The following LEKR1 variants were observed in gnomAD, a reference collection of about 807,000 sequenced individuals.
The protein encoded by LEKR1 is leucine, glutamate and lysine rich 1.
A neutral mutation model predicts 72.4 loss-of-function variants in LEKR1; 59 were observed. The observed-to-expected ratio is 0.82, with a 90% CI of 0.66 to 1.01. The LOEUF (loss-of-function observed/expected upper bound fraction) is 1.01, where lower values mean the gene tolerates loss of function less well. LEKR1 is among the 50% of genes least tolerant of loss of function. LEKR1 has a pLI of 0.00. For synonymous variants in LEKR1, 257 were observed against 263.2 expected (o/e 0.98, Z 0.23); for missense variants, 728 against 759.2 (o/e 0.96, Z 0.48).
intron 3 of LEKR1, among the ~76,000 whole-genome samples, chr3:156,865,784 A>G (rs1290313131): frequency 1.3e-5 from 2 of 151,860 alleles, no homozygotes; most frequent in Non-Finnish European, 2.9e-5. Context: ...CTCGAGCCTC[A>G]CTCTCTTTCA....
intron 3 of LEKR1, among the ~76,000 whole-genome samples, chr3:156,880,014 A>C (rs1428694876): frequency 2.0e-5 from 3 of 152,212 alleles, no homozygotes; most frequent in African/African-American, 7.2e-5. Flanking sequence ...AAGAAGAGTA[A>C]TGTGGGGAGA....
chr3:156,962,186 T>A (rs1021711191), intron 6 of LEKR1, among the ~76,000 whole-genome samples: 1 of 152,212 alleles, frequency 6.6e-6, no homozygotes, highest in Non-Finnish European at 1.5e-5. Flanking sequence ...GGACCTTACC[T>A]GCAAGGTCTG....
At chr3:156,931,234 C>G (rs189535706) in intron 5 of LEKR1, among the ~76,000 whole-genome samples, 3 of 152,174 alleles carry the variant, frequency 2.0e-5, no homozygotes, top group Admixed American at 6.5e-5. Flanking sequence ...ACCAAAAGAT[C>G]TGAACAGACA....
intron 9 of LEKR1, among the ~76,000 whole-genome samples, chr3:157,009,143 T>A (rs1355772571): frequency 6.6e-6 from 1 of 152,176 alleles, no homozygotes; most frequent in African/African-American, 2.4e-5. Context: ...AGAAGTATTA[T>A]GTTATACTTC....
At chr3:156,987,613 A>G (rs1730807400) in intron 7 of LEKR1, among the ~76,000 whole-genome samples, 1 of 152,130 alleles carries the variant, frequency 6.6e-6, no homozygotes. Flanking sequence ...CTTCTAGTCC[A>G]TTTTCCTTTT....
intron 5 of LEKR1, among the ~76,000 whole-genome samples, chr3:156,930,414 A>G (rs893238167): frequency 7.9e-5 from 12 of 152,124 alleles, no homozygotes; most frequent in African/African-American, 2.7e-4. Flanking sequence ...AAGTATGTCA[A>G]TGTAACATGA....
At chr3:156,924,052 C>G (rs1213139838) in intron 4 of LEKR1, among the ~76,000 whole-genome samples, 7 of 152,044 alleles carry the variant, frequency 4.6e-5, no homozygotes, top group Admixed American at 3.3e-4. Context: ...TTTTAACTGC[C>G]AACCTGTTTT....
chr3:156,869,355 G>C (rs540990922), intron 3 of LEKR1, among the ~76,000 whole-genome samples: 29 of 152,088 alleles, frequency 1.9e-4, no homozygotes, highest in African/African-American at 7.0e-4. Context: ...ATCCTCACCA[G>C]CATCTGTTAT....
intron 5 of LEKR1, among the ~76,000 whole-genome samples, chr3:156,942,303 AT>A (rs1726281110): frequency 6.6e-6 from 1 of 152,124 alleles, no homozygotes; most frequent in East Asian, 1.9e-4. Flanking sequence ...GCTAAAAAAA[AT>A]ACTGTTAAAA....
chr3:156,927,431 A>G lies in LEKR1; in HGVS notation c.386A>G (p.Gln129Arg), dbSNP rs1435103920. The change falls in exon 5 of 13, where the codon CAA becomes CGA. Residue 129 changes from glutamine to arginine, a missense_variant and splice_region_variant. By Grantham distance (43) the Gln-to-Arg change is conservative. Transcript: ENST00000356539. Reference protein sequence around the residue: ...IKYRQSYIFSQRLSEYKYFWN... With the variant: ...IKYRQSYIFSRRLSEYKYFWN... Reference sequence around the variant, plus strand: ...TATTTTTTTTTTTTACTTTGCAGTCAAAGATTGTCAGAGTACAAATATTTC... The same window carrying G: ...TATTTTTTTTTTTTACTTTGCAGTCGAAGATTGTCAGAGTACAAATATTTC... 2.8e-6 allele frequency: 3 copies of G among 1,078,760 alleles called. No individual in the cohort carries two copies. The highest frequency in any genetic ancestry group is 3.5e-5 in the African/African-American group (2 of 57,106). 66.8% of individuals were successfully genotyped at this position (1,078,760 alleles called of 1,614,324 possible). A position where few individuals can be genotyped will look rare whatever the true frequency, so the allele number is the denominator to read the frequency against.
At chr3:156,854,500 T>C (rs778808335) in intron 3 of LEKR1, among the ~76,000 whole-genome samples, 45 of 151,912 alleles carry the variant, frequency 3.0e-4, no homozygotes, top group Non-Finnish European at 5.4e-4. Context: ...TATTGTACCT[T>C]TACCTTTATT....
chr3:157,028,791 G>T (rs1168088955), intron 12 of LEKR1, among the ~76,000 whole-genome samples: 2 of 152,072 alleles, frequency 1.3e-5, no homozygotes, highest in African/African-American at 4.8e-5. Flanking sequence ...AAAAAAATTA[G>T]ACTATGTCTT....
chr3:156,912,427 C>T lies in LEKR1; in HGVS notation c.264-8148C>T, dbSNP rs1281116569. On this transcript the variant is annotated intron_variant, in intron 3 of 12. Transcript: ENST00000356539. ...GTAGCAGGTGGCAGTATGTCTCACC[C>T]AGCTCCTATGCACTGGGCAAGGCAG... Among the ~76,000 whole-genome samples, 3 of 152,170 alleles carry T rather than the reference C, an allele frequency of 2.0e-5. No individual in the cohort carries two copies. In the East Asian group the frequency reaches 5.8e-4, roughly 29 times the overall value.
At chr3:156,856,314 G>A (rs1716055461) in intron 3 of LEKR1, among the ~76,000 whole-genome samples, 1 of 151,980 alleles carries the variant, frequency 6.6e-6, no homozygotes, top group Non-Finnish European at 1.5e-5. Context: ...TTGATTTATT[G>A]TCTATCATTG....
intron 2 of LEKR1, among the ~76,000 whole-genome samples, chr3:156,839,887 A>G (rs1367884465): frequency 6.6e-6 from 1 of 152,172 alleles, no homozygotes; most frequent in East Asian, 1.9e-4. Context: ...AAAAAGTTCG[A>G]CAGAAGTTAT....
At chr3:156,852,526 T>G (rs528561033) in intron 2 of LEKR1, among the ~76,000 whole-genome samples, 1 of 152,274 alleles carries the variant, frequency 6.6e-6, no homozygotes, top group Non-Finnish European at 1.5e-5. Flanking sequence ...TAAATTTTTC[T>G]TAGAGATACC....
At chr3:156,977,621 C>A in intron 6 of LEKR1, 1 of 268,346 alleles carries the variant, frequency 3.7e-6, no homozygotes, top group Non-Finnish European at 7.7e-6. Context: ...AAAGTTTCCA[C>A]GTGAAATCAT....
In LEKR1 at chr3:157,011,481, T is replaced by C. The variant is rs1331977877; in HGVS notation, c.1178T>C (p.Leu393Pro). Residue 393 changes from leucine (L) to proline (P), a missense_variant, in exon 10 of 13, where the codon CTG (leucine) becomes CCG (proline). Physicochemically the swap from Leu to Pro is moderately conservative, Grantham distance 98. Transcript: ENST00000356539. ...QLQETLRQKLLSDDNWKEKIE... is the reference protein window; with the variant it reads ...QLQETLRQKLPSDDNWKEKIE... ...CAAGAAACCCTTAGACAGAAGCTGC[T>C]GAGTGATGATAACTGGAAGGAGAAG... 2 of 1,612,484 alleles carry C rather than the reference T, an allele frequency of 1.2e-6. No homozygotes were observed. Among genetic ancestry groups the C allele is most frequent in the Non-Finnish European group, 1.7e-6 (2 of 1,178,776 alleles).
At chr3:157,021,827 C>T (rs1232091122) in intron 10 of LEKR1, among the ~76,000 whole-genome samples, 1 of 152,028 alleles carries the variant, frequency 6.6e-6, no homozygotes, top group South Asian at 2.1e-4. Flanking sequence ...ATATTATTCA[C>T]TTATTGATTA....
Sources: allele counts gnomAD v4.1 joint callset (sites outside exome capture counted in the v4.1 genomes callset), GRCh38; gene constraint gnomAD v4.1.1; transcripts MANE v1.5; gene names NCBI Gene and HGNC (gene_info 2026-07-23, HGNC 2026-07-21).